Variants in EEF1D observed in about 807,000 individuals in gnomAD.
EEF1D encodes elongation factor 1-delta.
Under a neutral mutation model 63.9 loss-of-function variants are expected in EEF1D, and 47 were observed. The ratio of observed to expected loss-of-function variants is 0.74; its 90% CI spans 0.58 to 0.94. EEF1D has a LOEUF of 0.94. Ranked by LOEUF, EEF1D falls within the 40% of genes least tolerant of loss-of-function variation. The pLI is 0.00. For synonymous variants in EEF1D, 412 were observed against 386.1 expected, an observed-to-expected ratio of 1.07 and a Z score of -0.79; for missense variants, 907 against 899.0, an observed-to-expected ratio of 1.01 and a Z score of -0.11.
chr8:143,586,209 G>C lies in EEF1D; in HGVS notation c.1287+10C>G, dbSNP rs533479346. 1.9e-6 allele frequency: 3 copies of C among 1,607,604 alleles called. No individual in the cohort carries two copies. The highest frequency in any genetic ancestry group is 2.5e-6 in the Non-Finnish European group (3 of 1,178,178). The stretch of plus-strand genomic sequence containing the variant: ...AGGAGCCCGCAGGTCCGTGGGCCGC[G>C]GGTACTCACTCCAGCCAGGGATTTC... On this transcript the variant is annotated intron_variant, in intron 5 of 9. Coordinates refer to ENST00000618139, the MANE Select transcript of EEF1D (RefSeq NM_001130053.5).
intron 4 of EEF1D, among the ~76,000 whole-genome samples, 165 bp downstream of exon 4, chr8:143,586,551 ACCCGGCCCGGGGG>A (rs1221110020): frequency 6.6e-6 from 1 of 151,834 alleles, no homozygotes; most frequent in African/African-American, 2.4e-5. Flanking sequence ...CCCTGAGCAG[ACCCGGCCCGGGGG>A]CCCGGCCAAG....
In EEF1D at chr8:143,589,830, C is replaced by T; in HGVS notation, c.252G>A (p.Leu84=). 2 of 1,603,750 alleles carry T rather than the reference C, an allele frequency of 1.2e-6. No individual in the cohort carries two copies. The highest frequency in any genetic ancestry group is 1.3e-5 in the African/African-American group (1 of 74,714). Residue 84 remains leucine, a synonymous_variant, in exon 3 of 10, where the codon CTG becomes CTA. Coordinates refer to ENST00000618139, the MANE Select transcript of EEF1D (RefSeq NM_001130053.5). ...TGGGGGAGCGCTTCCTCTTTTTCTG[C>T]AGGGGCTTCCTGCTGTCCTGGCTCT... ...PRKSQDSRKP[L]QKKRKRSPKS...
intron 5 of EEF1D, among the ~76,000 whole-genome samples, chr8:143,584,402 A>G (rs964480005): frequency 6.6e-6 from 1 of 151,912 alleles, no homozygotes; most frequent in Non-Finnish European, 1.5e-5. Context: ...AAAAAAAAAA[A>G]AAAGAAAAAA....
rs200932360 is a variant in EEF1D, at chr8:143,580,712, G to T, written c.1504C>A (p.Arg502Ser). The change falls in exon 8 of 10, where the codon CGC becomes AGC. Residue 502 changes from arginine to serine, a missense_variant. Coordinates refer to ENST00000618139, the MANE Select transcript of EEF1D (RefSeq NM_001130053.5). ...APQTQHVSPM[R>S]QVEPPAKKPA... ...TTCTTGGCTGGGGGCTCCACTTGGC[G>T]CATGGGAGATACGTGCTGCCACAGG... 4 of 1,613,284 alleles carry T rather than the reference G, an allele frequency of 2.5e-6. No individual in the cohort carries two copies. The highest frequency in any genetic ancestry group is 3.4e-6 in the Non-Finnish European group (4 of 1,179,996).
At chr8:143,591,637 C>T (rs1431554835) in intron 2 of EEF1D, among the ~76,000 whole-genome samples, 2 of 152,236 alleles carry the variant, frequency 1.3e-5, no homozygotes, top group African/African-American at 2.4e-5. Context: ...CTGCTGCCTC[C>T]GCAGGTGTGT....
intron 1 of EEF1D, chr8:143,596,936 T>C (rs1286537215): frequency 6.6e-6 from 1 of 152,314 alleles, no homozygotes; most frequent in Non-Finnish European, 1.5e-5. Context: ...GCTCAGCTGA[T>C]GCGTGCAGTA....
intron 3 of EEF1D, 88 bp downstream of exon 3, chr8:143,588,903 G>A (rs1424274968): frequency 6.8e-7 from 1 of 1,481,380 alleles, no homozygotes; most frequent in Non-Finnish European, 8.9e-7. Flanking sequence ...AGGTGGGCAG[G>A]GGAGGAAGCT....
chr8:143,584,353 C>T (rs902600015), intron 5 of EEF1D: 1 of 148,658 alleles, frequency 6.7e-6, no homozygotes, highest in South Asian at 2.1e-4. Flanking sequence ...GAGTTCAAGA[C>T]CAGCCTGGCC....
Position 143,580,722 on chromosome 8 carries a change from T to C in EEF1D, c.1494A>G (p.Val498=), listed in dbSNP as rs1285910899. ...GGGGCTCCACTTGGCGCATGGGAGA[T>C]ACGTGCTGCCACAGGGGAAGGGACA... The part of the protein sequence containing the change: ...HRATAPQTQH[V]SPMRQVEPPA... Residue 498 remains valine (V), a synonymous_variant, in exon 8 of 10, where the codon GTA becomes GTG. Transcript: ENST00000618139. The C allele has an allele frequency of 3.1e-6, 5 of 1,613,010 alleles. No homozygotes were observed. Among genetic ancestry groups the C allele is most frequent in the Non-Finnish European group, 4.2e-6 (5 of 1,179,988 alleles).
At chr8:143,590,438 T>A (rs1341023832) in intron 2 of EEF1D, 1 of 822,444 alleles carries the variant, frequency 1.2e-6, no homozygotes, top group Non-Finnish European at 1.8e-6. Context: ...AAATTTTTCG[T>A]CATTTATCTG....
At chr8:143,588,762 C>G (rs563310587) in intron 3 of EEF1D, 2 of 618,448 alleles carry the variant, frequency 3.2e-6, no homozygotes, top group African/African-American at 1.9e-5. Context: ...TCCCTGCCCT[C>G]ATCCAGGCAG....
intron 7 of EEF1D, 22 bp from the exon 8 acceptor site, chr8:143,580,749 G>A: frequency 1.2e-6 from 2 of 1,610,602 alleles, no homozygotes; most frequent in Non-Finnish European, 1.7e-6. Flanking sequence ...GAAGGGACAG[G>A]AGGCACGGCT....
At position 143,589,379 on chromosome 8, in the gene EEF1D, C is replaced by A; in HGVS notation, c.703G>T (p.Glu235Ter). Residue 235 changes from glutamate to a stop codon, truncating the protein, a stop_gained, in exon 3 of 10, where the codon GAG (glutamate) becomes TAG (stop). Transcript: ENST00000618139. LOFTEE classifies it high-confidence loss of function. ...LQALVREVWL[E>*]KPRYDAAERG... ...TCGGCTGCATCATACCGGGGCTTCT[C>A]CAGCCACACCTCCCGAACCAGTGCC... is the stretch of plus-strand genomic sequence containing the variant. 6.5e-7 allele frequency: 1 copy of A among 1,549,456 alleles called. No individual in the cohort carries two copies. The highest frequency in any genetic ancestry group is 1.9e-5 in the Admixed American group (1 of 53,686).
In EEF1D at chr8:143,589,262, C is replaced by A. The variant is rs1198922663; in HGVS notation, c.820G>T (p.Gly274Cys). The change falls in exon 3 of 10, where the codon GGC becomes TGC. Residue 274 changes from glycine to cysteine, a missense_variant. Physicochemically the swap from Gly to Cys is radical, Grantham distance 159. Coordinates refer to ENST00000618139, the MANE Select transcript of EEF1D (RefSeq NM_001130053.5). ...RAGLAEGARR[G>C]RRDRRGRNIL... ...TTGCGGCCCCGCCGGTCTCTGCGGC[C>A]CCGCCGGGCACCCTCGGCCAGGCCG... 1 of 1,587,456 alleles carries A rather than the reference C, an allele frequency of 6.3e-7. No homozygotes were observed. The highest frequency in any genetic ancestry group is 2.3e-5 in the East Asian group (1 of 43,760).
In EEF1D at chr8:143,580,620, C is replaced by T. The variant is rs200351786; in HGVS notation, c.1596G>A (p.Glu532=). 2.5e-6 allele frequency: 4 copies of T among 1,613,892 alleles called. No individual in the cohort carries two copies. Among genetic ancestry groups the T allele is most frequent in the African/African-American group, 2.7e-5 (2 of 75,062 alleles). The part of the protein sequence containing the change: ...DIDLFGSDNE[E]EDKEAAQLRE... ...GCAGCTGTGCCGCCTCCTTGTCCTC[C>T]TCCTCATTGTCACTGCCAAACAGGT... Residue 532 remains glutamate (E), a synonymous_variant, in exon 8 of 10, where the codon GAG becomes GAA. Coordinates refer to ENST00000618139, the MANE Select transcript of EEF1D (RefSeq NM_001130053.5).
intron 5 of EEF1D, chr8:143,581,539 A>T (rs534497314): frequency 6.8e-6 from 4 of 586,680 alleles, no homozygotes; most frequent in South Asian, 6.3e-5. Flanking sequence ...AGTCCAGGAC[A>T]GGAGGCTCTT....
At chr8:143,586,027 CG>C (rs1826514933) in intron 5 of EEF1D, 191 bp downstream of exon 5, 4 of 510,192 alleles carry the variant, frequency 7.8e-6, no homozygotes, top group Non-Finnish European at 1.1e-5. Flanking sequence ...ACGGAAGGGA[CG>C]CGAGAATAAG....
chr8:143,581,176 G>T, intron 6 of EEF1D, 22 bp from the exon 7 acceptor site: 1 of 1,612,854 alleles, frequency 6.2e-7, no homozygotes, highest in Non-Finnish European at 8.5e-7. Context: ...AGGGGAGCAC[G>T]GTTAGATGGC....
chr8:143,595,394 C>A (rs564428251), intron 1 of EEF1D, among the ~76,000 whole-genome samples: 1 of 151,618 alleles, frequency 6.6e-6, no homozygotes, highest in Non-Finnish European at 1.5e-5. Flanking sequence ...TTAGTAGAGA[C>A]GGGGTTTCAC....
Sources: gnomAD v4.1 joint callset for allele counts (sites outside exome capture counted in the v4.1 genomes callset) on GRCh38, gnomAD v4.1.1 for gene constraint, MANE v1.5 for transcripts, NCBI Gene and HGNC (gene_info 2026-07-23, HGNC 2026-07-21) for gene names.